Variants in F8 observed in about 807,000 individuals in gnomAD.
F8 encodes coagulation factor VIII, also known as antihemophilic factor.
A neutral mutation model predicts 140.6 loss-of-function variants in F8; 12 were observed. That is an observed-to-expected ratio of 0.09 (90% CI 0.05 to 0.14). The LOEUF (loss-of-function observed/expected upper bound fraction) is 0.14. F8 is among the 10% of genes least tolerant of loss of function. The pLI is 1.00. For synonymous variants in F8, 585 were observed against 614.6 expected (o/e 0.95, Z 0.71); for missense variants, 1,354 against 1,720.7 (o/e 0.79, Z 3.77).
chrX:154,947,603 A>G, intron 13 of F8, 95 bp downstream of exon 13: 1 of 675,220 alleles, frequency 1.5e-6, no homozygotes, highest in East Asian at 3.2e-5. Flanking sequence ...AGAAAATGCT[A>G]TAAATGACAG....
chrX:154,864,125 T>C (rs2072714648), intron 22 of F8, among the ~76,000 whole-genome samples: 1 of 112,403 alleles, frequency 8.9e-6, no homozygotes, highest in South Asian at 3.7e-4. Context: ...ACTCCAGTCT[T>C]GCTGTACCAT....
chrX:155,014,295 G>A (rs2073723699), intron 1 of F8, among the ~76,000 whole-genome samples: 1 of 110,532 alleles, frequency 9.0e-6, no homozygotes, highest in South Asian at 4.0e-4. Flanking sequence ...TTTGACAAAG[G>A]GCATCTATGA....
intron 12 of F8, among the ~76,000 whole-genome samples, chrX:154,951,048 T>G (rs1381919863): frequency 1.8e-5 from 2 of 112,300 alleles, no homozygotes; most frequent in Non-Finnish European, 3.8e-5. Context: ...CCATTTTGTC[T>G]CACTCTTCTT....
In F8 at chrX:154,837,512, G is replaced by T; in HGVS notation, c.*85C>A. The T allele has an allele frequency of 9.4e-7, 1 of 1,063,192 alleles. No homozygotes were observed. The highest frequency in any genetic ancestry group is 1.3e-6 in the Non-Finnish European group (1 of 779,403). The allele number at this position is 1,063,192 out of a possible 1,213,427, so 87.6% of individuals were successfully genotyped here. A position where few individuals can be genotyped will look rare whatever the true frequency, so the allele number is the denominator to read the frequency against. ...AGTGTCTGCTAGGATTTAGCACAAA[G>T]GTAGAAGGCAAGCCAGGGAGGGACA... On this transcript the variant is annotated 3_prime_UTR_variant, in exon 26 of 26. Coordinates refer to ENST00000360256, the MANE Select transcript of F8 (RefSeq NM_000132.4).
intron 5 of F8, among the ~76,000 whole-genome samples, chrX:154,985,366 G>T (rs893978470): frequency 1.8e-5 from 2 of 110,937 alleles, no homozygotes; most frequent in Non-Finnish European, 3.8e-5. Context: ...AACCTGGGAG[G>T]TGGACGTTGC....
chrX:154,899,843 C>T, intron 21 of F8, 23 bp downstream of exon 21: 1 of 1,164,837 alleles, frequency 8.6e-7, no homozygotes, highest in Non-Finnish European at 1.2e-6. Flanking sequence ...ATACATTTCC[C>T]ATCATTGATT....
chrX:154,999,207 A>G (rs192045654), intron 2 of F8, among the ~76,000 whole-genome samples: 59 of 110,317 alleles, frequency 5.3e-4, no homozygotes, highest in African/African-American at 1.9e-3. Flanking sequence ...CTCAGCAACA[A>G]TTCTAAGACA....
chrX:154,932,658 C>G (rs1418017233), intron 13 of F8, among the ~76,000 whole-genome samples: 1 of 111,451 alleles, frequency 9.0e-6, no homozygotes, highest in Admixed American at 9.5e-5. Context: ...GAAAATCTAC[C>G]TCAAATGTCA....
At chrX:155,007,364 T>A (rs1557286143) in intron 1 of F8, among the ~76,000 whole-genome samples, 1 of 112,385 alleles carries the variant, frequency 8.9e-6, no homozygotes, top group Admixed American at 9.4e-5. Flanking sequence ...AGAGAATTAA[T>A]GCATGGACCC....
chrX:154,909,160 A>G (rs781800039), intron 14 of F8: 231 of 224,134 alleles, frequency 1.0e-3, no homozygotes, highest in Non-Finnish European at 1.7e-3. Context: ...GTGCAATTCA[A>G]AAGACTTTAT....
chrX:154,941,631 C>T (rs1459470776), intron 13 of F8, among the ~76,000 whole-genome samples: 50 of 111,021 alleles, frequency 4.5e-4, no homozygotes, highest in Admixed American at 1.7e-3. Context: ...AACAAGGATA[C>T]TCAGGAATTG....
At chrX:154,982,139 G>A (rs1408499814) in intron 6 of F8, among the ~76,000 whole-genome samples, 1 of 108,182 alleles carries the variant, frequency 9.2e-6, no homozygotes, top group Non-Finnish European at 1.9e-5. Context: ...AGCTCAGATT[G>A]TGCCACTGCA....
At chrX:154,987,395 C>T (rs2073565328) in intron 4 of F8, 90 bp from the exon 5 acceptor site, 2 of 789,462 alleles carry the variant, frequency 2.5e-6, no homozygotes, top group Non-Finnish European at 3.8e-6. Flanking sequence ...TCATCAGTTA[C>T]TTGACAGTAA....
chrX:154,928,483 C>T, intron 14 of F8, 88 bp downstream of exon 14: 3 of 838,727 alleles, frequency 3.6e-6, no homozygotes, highest in Non-Finnish European at 3.5e-6. Context: ...CTTGATTTTT[C>T]ATCCTCTAAC....
intron 13 of F8, among the ~76,000 whole-genome samples, chrX:154,935,366 G>T (rs1699811976): frequency 8.9e-6 from 1 of 111,773 alleles, no homozygotes; most frequent in South Asian, 3.7e-4. Context: ...GGAGAGTTCA[G>T]AAATAAACTC....
chrX:154,982,427 G>C (rs1387926879), intron 6 of F8, among the ~76,000 whole-genome samples: 3 of 83,102 alleles, frequency 3.6e-5, no homozygotes, highest in African/African-American at 4.8e-5. Context: ...CAGCCTGGGC[G>C]ACAGCAAGAC....
At chrX:154,931,741 G>A (rs1187375948) in intron 13 of F8, 65 bp from the exon 14 acceptor site, 1 of 966,485 alleles carries the variant, frequency 1.0e-6, no homozygotes, top group Non-Finnish European at 1.5e-6. Flanking sequence ...TTCTGTTAGA[G>A]GTTCTCTCCC....
Position 154,986,471 on chromosome X carries a change from T to G in F8, c.670+766A>C, listed in dbSNP as rs1216980501. 2.7e-5 allele frequency among the ~76,000 whole-genome samples: 3 copies of G among 109,687 alleles called. No individual in the cohort carries two copies. The Admixed American group carries it at 2.9e-4, about 11-fold the overall frequency. On this transcript the variant is annotated intron_variant, in intron 5 of 25. Transcript: ENST00000360256. Reference sequence around the variant, plus strand: ...TGACCGGCTGATTTTTTAATTCTTTTGTAGAGATGTGGTTTCGCCCTGTTG... The same window carrying G: ...TGACCGGCTGATTTTTTAATTCTTTGGTAGAGATGTGGTTTCGCCCTGTTG...
chrX:154,962,532 G>A lies in F8; in HGVS notation c.1444-1364C>T, dbSNP rs1024245527. Among the ~76,000 whole-genome samples, 3 of 111,687 alleles carry A rather than the reference G, an allele frequency of 2.7e-5. 1 individual carries two copies. The highest frequency in any genetic ancestry group is 5.6e-5 in the Non-Finnish European group (3 of 53,141). ...ATGACCAAGAGGACAGTTGATTACA[G>A]TATTAAGCAAGGGTAGCAGGTGGTA... is the stretch of plus-strand genomic sequence containing the variant. On this transcript the variant is annotated intron_variant, in intron 9 of 25. Coordinates refer to ENST00000360256, the MANE Select transcript of F8 (RefSeq NM_000132.4).
Sources: allele counts gnomAD v4.1 joint callset (sites outside exome capture counted in the v4.1 genomes callset), GRCh38; gene constraint gnomAD v4.1.1; transcripts MANE v1.5; gene names NCBI Gene and HGNC (gene_info 2026-07-23, HGNC 2026-07-21).